Variants in MAGI3 observed in about 807,000 individuals in gnomAD.
MAGI3 encodes the protein membrane-associated guanylate kinase, WW and PDZ domain-containing protein 3.
MAGI3 carries 43 observed loss-of-function variants against 121.8 expected under a neutral mutation model. The observed-to-expected ratio is 0.35, with a 90% CI of 0.28 to 0.46. The LOEUF (loss-of-function observed/expected upper bound fraction) is 0.46. Among genes scored for constraint, MAGI3 ranks in the 20% least tolerant of loss-of-function variants. The probability of loss-of-function intolerance (pLI) is 1.00; values close to 1 mark genes in which losing one functional copy is unlikely to be tolerated. For missense variants in MAGI3, 1,547 were observed against 1,797.3 expected, an observed-to-expected ratio of 0.86 and a Z score of 2.52; for synonymous variants, 553 against 639.3, an observed-to-expected ratio of 0.86 and a Z score of 2.04.
chr1:113,674,911 T>C (rs1647782045), intron 19 of MAGI3, among the ~76,000 whole-genome samples: 2 of 152,292 alleles, frequency 1.3e-5, no homozygotes, highest in South Asian at 4.1e-4. Context: ...AGGATTTCAA[T>C]AGGGAGAAAT....
intron 2 of MAGI3, among the ~76,000 whole-genome samples, chr1:113,566,714 A>C (rs1011235377): frequency 9.9e-5 from 15 of 152,282 alleles, no homozygotes; most frequent in African/African-American, 3.6e-4. Flanking sequence ...GTGGATCATG[A>C]GAGAATTTAG....
intron 19 of MAGI3, among the ~76,000 whole-genome samples, chr1:113,675,637 C>G (rs1270714608): frequency 6.6e-6 from 1 of 152,142 alleles, no homozygotes; most frequent in Non-Finnish European, 1.5e-5. Flanking sequence ...TTAGAGAGTA[C>G]TTAGCCAAGG....
chr1:113,623,877 G>A (rs1038043003), intron 9 of MAGI3, among the ~76,000 whole-genome samples: 1 of 144,880 alleles, frequency 6.9e-6, no homozygotes, highest in Non-Finnish European at 1.6e-5. Context: ...CCAGCCTCTG[G>A]TAATCATCCT....
At chr1:113,557,947 C>T (rs1029041527) in intron 2 of MAGI3, among the ~76,000 whole-genome samples, 3 of 152,064 alleles carry the variant, frequency 2.0e-5, no homozygotes, top group African/African-American at 7.2e-5. Context: ...GGAGCAGACC[C>T]CCAGCACGCT....
intron 14 of MAGI3, among the ~76,000 whole-genome samples, chr1:113,652,198 A>G (rs1653208360): frequency 1.3e-5 from 2 of 152,190 alleles, no homozygotes; most frequent in South Asian, 4.1e-4. Flanking sequence ...TTAAATAGAA[A>G]TTCTTATAAG....
At chr1:113,536,631 T>TC (rs1380937294) in intron 1 of MAGI3, among the ~76,000 whole-genome samples, 1 of 152,036 alleles carries the variant, frequency 6.6e-6, no homozygotes, top group African/African-American at 2.4e-5. Flanking sequence ...CTTTTTTCTT[T>TC]TTTTTTTTAC....
intron 9 of MAGI3, among the ~76,000 whole-genome samples, chr1:113,638,991 T>C (rs1295834534): frequency 6.6e-6 from 1 of 152,204 alleles, no homozygotes; most frequent in Non-Finnish European, 1.5e-5. Context: ...CTCAGACTGC[T>C]GTGCTAGCAA....
chr1:113,670,003 C>CAA (rs11302295), intron 16 of MAGI3, among the ~76,000 whole-genome samples: 14 of 85,212 alleles, frequency 1.6e-4, no homozygotes, highest in East Asian at 6.9e-4. Context: ...TCCAGGTCTC[C>CAA]AAAAAAAAAA....
chr1:113,623,453 T>TATACACAC (rs1553208647), intron 9 of MAGI3, among the ~76,000 whole-genome samples: 1 of 126,104 alleles, frequency 7.9e-6, no homozygotes, highest in Non-Finnish European at 1.6e-5. Context: ...TACACACACA[T>TATACACAC]ACACACACAC....
chr1:113,421,715 A>G (rs78304789), intron 1 of MAGI3, among the ~76,000 whole-genome samples: 3 of 152,236 alleles, frequency 2.0e-5, no homozygotes, highest in African/African-American at 7.2e-5. Context: ...TGTTTTATCT[A>G]CAGCCAGTAG....
intron 1 of MAGI3, among the ~76,000 whole-genome samples, chr1:113,414,002 T>C (rs1042271164): frequency 5.3e-5 from 8 of 152,200 alleles, no homozygotes; most frequent in African/African-American, 1.2e-4. Context: ...CAGTATGATA[T>C]TGGCTGTGGG....
chr1:113,488,316 A>G (rs775107411), intron 1 of MAGI3, among the ~76,000 whole-genome samples: 1 of 152,194 alleles, frequency 6.6e-6, no homozygotes, highest in Non-Finnish European at 1.5e-5. Flanking sequence ...CATAGGCTCA[A>G]CTTGCTCCTA....
intron 1 of MAGI3, among the ~76,000 whole-genome samples, chr1:113,430,164 T>C (rs1410960661): frequency 1.3e-5 from 2 of 152,220 alleles, no homozygotes; most frequent in Non-Finnish European, 2.9e-5. Flanking sequence ...CATTTCTTTT[T>C]TTCTTCTTAT....
At chr1:113,552,997 A>T (rs190082937) in intron 2 of MAGI3, among the ~76,000 whole-genome samples, 27 of 152,332 alleles carry the variant, frequency 1.8e-4, no homozygotes, top group Non-Finnish European at 2.5e-4. Flanking sequence ...TTATAGAGAC[A>T]TATCAGAAGG....
At chr1:113,556,264 C>T (rs1361250497) in intron 2 of MAGI3, among the ~76,000 whole-genome samples, 2 of 152,006 alleles carry the variant, frequency 1.3e-5, no homozygotes, top group Non-Finnish European at 2.9e-5. Context: ...CAATGAAATA[C>T]AAAGCTCATT....
chr1:113,548,687 A>G (rs1659643171), intron 1 of MAGI3, among the ~76,000 whole-genome samples: 1 of 152,208 alleles, frequency 6.6e-6, no homozygotes, highest in African/African-American at 2.4e-5. Context: ...TGTTGCAAGT[A>G]TAAGATATCT....
intron 1 of MAGI3, among the ~76,000 whole-genome samples, chr1:113,481,654 A>T (rs924884281): frequency 6.6e-6 from 1 of 152,136 alleles, no homozygotes; most frequent in African/African-American, 2.4e-5. Flanking sequence ...CAAATTGCTC[A>T]TTCTATTTTT....
chr1:113,419,163 T>A (rs1390398632), intron 1 of MAGI3, among the ~76,000 whole-genome samples: 1 of 152,172 alleles, frequency 6.6e-6, no homozygotes, highest in Non-Finnish European at 1.5e-5. Context: ...TAGGAAATTT[T>A]AATCATACAC....
intron 2 of MAGI3, among the ~76,000 whole-genome samples, chr1:113,575,298 G>A (rs1159878175): frequency 1.3e-5 from 2 of 152,134 alleles, no homozygotes; most frequent in African/African-American, 4.8e-5. Context: ...CAGCATTTTT[G>A]TACTGGTTTT....
Sources: allele counts gnomAD v4.1 joint callset (sites outside exome capture counted in the v4.1 genomes callset), GRCh38; gene constraint gnomAD v4.1.1; transcripts MANE v1.5; gene names NCBI Gene and HGNC (gene_info 2026-07-23, HGNC 2026-07-21).